The following PLRG1 variants were observed in gnomAD, a reference collection of about 807,000 sequenced individuals.
The protein encoded by PLRG1 is pleiotropic regulator 1 (PRL1 homolog, Arabidopsis).
Under a neutral mutation model 74.9 loss-of-function variants are expected in PLRG1, and 28 were observed. The observed-to-expected ratio is 0.37, with a 90% CI of 0.28 to 0.51. PLRG1 has a LOEUF of 0.51. Among genes scored for constraint, PLRG1 ranks in the 20% least tolerant of loss-of-function variants. PLRG1 has a pLI of 0.91. For synonymous variants in PLRG1, 197 were observed against 212.4 expected, an observed-to-expected ratio of 0.93 and a Z score of 0.63; for missense variants, 445 against 631.9, an observed-to-expected ratio of 0.70 and a Z score of 3.17.
At chr4:154,549,817 G>C (rs891462559) in intron 1 of PLRG1, 4 of 456,254 alleles carry the variant, frequency 8.8e-6, no homozygotes, top group Non-Finnish European at 1.8e-5. Flanking sequence ...ATAAACATGT[G>C]GGGTAAGATG....
Position 154,546,139 on chromosome 4 carries a change from A to T in PLRG1, c.388T>A (p.Leu130Ile), listed in dbSNP as rs140037203. The T allele has an allele frequency of 3.4e-3, 5,467 of 1,589,836 alleles. 14 individuals carry two copies. The highest frequency in any genetic ancestry group is 4.3e-3 in the Non-Finnish European group (5,035 of 1,158,884). ...ESAAQSLAVA[L>I]PLQTKADANR... The stretch of plus-strand genomic sequence containing the variant: ...ATTTCATACTTGGTCTGCAAAGGTA[A>T]TGCCACCGCTAAGGACTGTGCAGCT... The change falls in exon 5 of 15, where the codon TTA becomes ATA. Residue 130 changes from leucine to isoleucine, a missense_variant. Physicochemically the swap from Leu to Ile is conservative, Grantham distance 5. Transcript: ENST00000499023.
intron 1 of PLRG1, chr4:154,549,824 G>A (rs922416543): frequency 4.4e-6 from 2 of 456,046 alleles, no homozygotes; most frequent in African/African-American, 2.0e-5. Context: ...TGTGGGGTAA[G>A]ATGGACAAGA....
chr4:154,549,549 G>A (rs1729720639), intron 1 of PLRG1: 1 of 391,300 alleles, frequency 2.6e-6, no homozygotes, highest in Non-Finnish European at 5.1e-6. Flanking sequence ...AGCTGCAAGG[G>A]TAGACAAGGT....
At chr4:154,546,072 G>A (rs1369080024) in intron 5 of PLRG1, 51 bp downstream of exon 5, 5 of 1,214,022 alleles carry the variant, frequency 4.1e-6, no homozygotes, top group South Asian at 1.3e-5. Flanking sequence ...AAGAAAAAAT[G>A]TGAACAGTGA....
chr4:154,538,927 G>T, intron 12 of PLRG1, 178 bp downstream of exon 12: 1 of 525,726 alleles, frequency 1.9e-6, no homozygotes. Flanking sequence ...ATGTTTTATA[G>T]GGCATGAAGC....
At position 154,540,577 on chromosome 4, in the gene PLRG1, A is replaced by C. The variant is rs1160884665; in HGVS notation, c.939+17T>G. ...GCAATATATTTACAGATAAATACAC[A>C]ACTCTATCCCATTTACCCGTGCAGT... On this transcript the variant is annotated intron_variant, in intron 10 of 14. Transcript: ENST00000499023. 2.6e-6 allele frequency: 4 copies of C among 1,529,806 alleles called. No homozygotes were observed. 94.8% of individuals were successfully genotyped at this position (1,529,806 alleles called of 1,614,324 possible).
At chr4:154,547,584 A>G in intron 3 of PLRG1, 127 bp downstream of exon 3, 1 of 764,546 alleles carries the variant, frequency 1.3e-6, no homozygotes, top group Non-Finnish European at 2.2e-6. Flanking sequence ...ATTATAATAC[A>G]GGTACGGCCA....
intron 4 of PLRG1, 80 bp downstream of exon 4, chr4:154,546,931 C>T: frequency 9.4e-6 from 10 of 1,063,606 alleles, no homozygotes; most frequent in South Asian, 8.8e-5. Flanking sequence ...TTATAGGCAA[C>T]AAGAATCTCA....
intron 4 of PLRG1, 53 bp downstream of exon 4, chr4:154,546,958 G>A: frequency 7.6e-7 from 1 of 1,310,094 alleles, no homozygotes; most frequent in Non-Finnish European, 1.1e-6. Flanking sequence ...GCTCGTTAGT[G>A]AAAATATATG....
intron 6 of PLRG1, 62 bp downstream of exon 6, chr4:154,545,774 A>G: frequency 1.1e-6 from 1 of 936,028 alleles, no homozygotes; most frequent in Non-Finnish European, 1.7e-6. Context: ...TCCAAAGAAG[A>G]GGGAAATATG....
intron 11 of PLRG1, among the ~76,000 whole-genome samples, chr4:154,539,714 G>A (rs1439353477): frequency 6.6e-6 from 1 of 151,956 alleles, no homozygotes; most frequent in Admixed American, 6.6e-5. Flanking sequence ...CAGTATTCTA[G>A]TCAGACATTA....
rs1729422899 is a variant in PLRG1 at position 154,535,182 on chromosome 4, G to A, written c.*1503C>T. The A allele has an allele frequency of 6.6e-6, 1 of 151,452 alleles. No individual in the cohort carries two copies. Among genetic ancestry groups the A allele is most frequent in the African/African-American group, 2.4e-5 (1 of 40,942 alleles). 9.4% of individuals were successfully genotyped at this position (151,452 alleles called of 1,614,324 possible). A position where few individuals can be genotyped will look rare whatever the true frequency, so the allele number is the denominator to read the frequency against. ...AGAGCATCAAGTTGTCCACAAAAAT[G>A]CTTGCACAACTTTTTTTTTTACCCA... On this transcript the variant is annotated 3_prime_UTR_variant, in exon 15 of 15. Transcript: ENST00000499023.
At chr4:154,542,548 T>C (rs1485222770) in intron 7 of PLRG1, among the ~76,000 whole-genome samples, 2 of 152,170 alleles carry the variant, frequency 1.3e-5, no homozygotes, top group Admixed American at 6.5e-5. Flanking sequence ...TATTAAGCTG[T>C]GTGAAGGAAG....
At position 154,544,449 on chromosome 4, in the gene PLRG1, T is replaced by C. The variant is rs772106369; in HGVS notation, c.590A>G (p.Tyr197Cys). Residue 197 changes from tyrosine (Y) to cysteine (C), a missense_variant, in exon 7 of 15, where the codon TAC becomes TGC. Tyr to Cys is a radical substitution (Grantham distance 194, BLOSUM62 -2). This residue lies in a region of PLRG1 where 206 missense variants were observed against 210.8 expected (regional missense o/e 0.98). Transcript: ENST00000499023. ...KPQWHPPWKLYRVISGHLGWV... is the reference protein window; with the variant it reads ...KPQWHPPWKLCRVISGHLGWV... The stretch of plus-strand genomic sequence containing the variant: ...AATAAATGCAGAGTCACTCACCCTG[T>C]AGAGTTTCCACGGTGGGTGCCACTG... The C allele has an allele frequency of 6.4e-7, 1 of 1,558,838 alleles. No homozygotes were observed. Among genetic ancestry groups the C allele is most frequent in the South Asian group, 1.1e-5 (1 of 90,010 alleles).
intron 2 of PLRG1, among the ~76,000 whole-genome samples, chr4:154,548,564 A>G (rs1729700087): frequency 6.6e-6 from 1 of 152,204 alleles, no homozygotes; most frequent in Admixed American, 6.5e-5. Context: ...AAGCACATAC[A>G]AAGTGATTGA....
In PLRG1 at chr4:154,538,020, C is replaced by T; in HGVS notation, c.1240G>A (p.Ala414Thr). The T allele has an allele frequency of 6.4e-7, 1 of 1,558,626 alleles. No homozygotes were observed. The highest frequency in any genetic ancestry group is 8.8e-7 in the Non-Finnish European group (1 of 1,140,530). The change falls in exon 13 of 15, where the codon GCT becomes ACT. Residue 414 changes from alanine (A) to threonine (T), a missense_variant. By Grantham distance (58) the Ala-to-Thr change is moderately conservative. Coordinates refer to ENST00000499023, the MANE Select transcript of PLRG1 (RefSeq NM_002669.4). ...TTTACCGTCAATGTGTTAATAATAG[C>T]ATTATGACCGGAAAGATTTTGAATG... ...SFIQNLSGHNAIINTLTVNSD... is the reference protein window; with the variant it reads ...SFIQNLSGHNTIINTLTVNSD...
At chr4:154,544,237 A>G (rs916248552) in intron 7 of PLRG1, among the ~76,000 whole-genome samples, 1 of 152,108 alleles carries the variant, frequency 6.6e-6, no homozygotes, top group African/African-American at 2.4e-5. Context: ...ATTTCATACT[A>G]TTTTATATAA....
intron 11 of PLRG1, among the ~76,000 whole-genome samples, chr4:154,539,475 A>G (rs940070501): frequency 1.2e-4 from 18 of 152,108 alleles, no homozygotes; most frequent in Non-Finnish European, 5.9e-5. Flanking sequence ...ATATAATTGT[A>G]TACCCTAGTG....
intron 7 of PLRG1, among the ~76,000 whole-genome samples, chr4:154,542,568 A>G (rs965049421): frequency 4.6e-5 from 7 of 152,228 alleles, no homozygotes; most frequent in African/African-American, 1.4e-4. Flanking sequence ...GCCAGTCTCA[A>G]AAAGTACATA....
Sources: gnomAD v4.1 joint callset for allele counts (sites outside exome capture counted in the v4.1 genomes callset) on GRCh38, gnomAD v4.1.1 for gene constraint, gnomAD v4.1.1 regional missense constraint, MANE v1.5 for transcripts, NCBI Gene and HGNC (gene_info 2026-07-23, HGNC 2026-07-21) for gene names.